Variants in TANC2 observed in about 807,000 individuals in gnomAD.
TANC2 encodes tetratricopeptide repeat, ankyrin repeat and coiled-coil containing 2.
A neutral mutation model predicts 210.5 loss-of-function variants in TANC2; 26 were observed. That is an observed-to-expected ratio of 0.12 (90% CI 0.09 to 0.17). TANC2 has a LOEUF of 0.17. Among genes scored for constraint, TANC2 ranks in the 10% least tolerant of loss-of-function variants. The pLI, the probability that TANC2 is intolerant of heterozygous loss-of-function variation, is 1.00. For missense variants in TANC2, 2,129 were observed against 2,608.9 expected, an observed-to-expected ratio of 0.82 and a Z score of 4.01; for synonymous variants, 931 against 967.1, an observed-to-expected ratio of 0.96 and a Z score of 0.69.
chr17:63,362,038 G>A (rs182091912), intron 14 of TANC2, among the ~76,000 whole-genome samples: 4 of 152,162 alleles, frequency 2.6e-5, no homozygotes, highest in Non-Finnish European at 5.9e-5. Flanking sequence ...CCCATCAAGT[G>A]TGCAGCCCTC....
chr17:63,018,430 G>A (rs2034203299), intron 2 of TANC2, among the ~76,000 whole-genome samples: 1 of 150,602 alleles, frequency 6.6e-6, no homozygotes, highest in Non-Finnish European at 1.5e-5. Flanking sequence ...GCATTGAGCT[G>A]AGATCTTTCC....
chr17:63,004,589 CT>C (rs1300764335), intron 1 of TANC2: 30 of 127,050 alleles, frequency 2.4e-4, no homozygotes, highest in South Asian at 6.0e-4. Flanking sequence ...AACAGCATAG[CT>C]TTAAAAAAAA....
chr17:63,241,622 C>T (rs1256880994), intron 8 of TANC2, among the ~76,000 whole-genome samples: 1 of 152,158 alleles, frequency 6.6e-6, no homozygotes, highest in East Asian at 1.9e-4. Flanking sequence ...CCTACAAAGC[C>T]TGTATAAAAA....
rs535937015 is a variant in TANC2 at position 63,409,541 on chromosome 17, T to C, written c.3590-1970T>C. 3.9e-5 allele frequency among the ~76,000 whole-genome samples: 6 copies of C among 152,344 alleles called. No homozygotes were observed. The South Asian group carries it at 1.2e-3, about 32-fold the overall frequency. On this transcript the variant is annotated intron_variant, in intron 21 of 27. Transcript: ENST00000689528. ...AATGGTATATGCAGTTATGTATCACTTAACAAAGGGGAGATGTTCAGAGAA... is the reference window on the plus strand; with the variant it reads ...AATGGTATATGCAGTTATGTATCACCTAACAAAGGGGAGATGTTCAGAGAA...
intron 2 of TANC2, among the ~76,000 whole-genome samples, chr17:63,049,136 AAATT>A (rs1259806099): frequency 5.9e-5 from 9 of 152,144 alleles, no homozygotes; most frequent in African/African-American, 1.9e-4. Context: ...TTACTTATGC[AAATT>A]AATTAATTCA....
At chr17:63,019,914 TTTTGTTTGTTTG>T (rs372966886) in intron 2 of TANC2, among the ~76,000 whole-genome samples, 2 of 151,996 alleles carry the variant, frequency 1.3e-5, no homozygotes, top group African/African-American at 4.8e-5. Context: ...AGTCTATAGT[TTTTGTTTGTTTG>T]TTTGTTTGTT....
intron 1 of TANC2, among the ~76,000 whole-genome samples, chr17:62,976,969 C>T (rs778361096): frequency 2.0e-5 from 3 of 152,116 alleles, no homozygotes; most frequent in Non-Finnish European, 2.9e-5. Flanking sequence ...CCGTTCCAGC[C>T]GATGGAAACC....
intron 17 of TANC2, chr17:63,390,308 G>A (rs1357192294): frequency 6.6e-6 from 1 of 152,210 alleles, no homozygotes; most frequent in African/African-American, 2.4e-5. Flanking sequence ...TCATTCTGCG[G>A]TATTCAGTGC....
At chr17:63,039,063 A>G (rs2035082741) in intron 2 of TANC2, among the ~76,000 whole-genome samples, 1 of 152,164 alleles carries the variant, frequency 6.6e-6, no homozygotes, top group African/African-American at 2.4e-5. Context: ...CTCCTAATAA[A>G]TGAATTATTT....
Position 63,169,263 on chromosome 17 carries a change from T to G in TANC2, c.433+17883T>G, listed in dbSNP as rs539844332. Among the ~76,000 whole-genome samples, 79 of 152,372 alleles carry G rather than the reference T, an allele frequency of 5.2e-4. 1 individual carries two copies. Among genetic ancestry groups the G allele is most frequent in the Admixed American group, 1.3e-3 (20 of 15,302 alleles). On this transcript the variant is annotated intron_variant, in intron 5 of 27. Coordinates refer to ENST00000689528, the Ensembl canonical transcript of TANC2. The stretch of plus-strand genomic sequence containing the variant: ...CACCTTTACTATTTCCATTGCCTAT[T>G]ACTTATGTTAGTTCTTTTGTATTTT...
At chr17:63,097,005 T>C (rs2144868986) in intron 3 of TANC2, among the ~76,000 whole-genome samples, 1 of 152,250 alleles carries the variant, frequency 6.6e-6, no homozygotes, top group Admixed American at 6.5e-5. Flanking sequence ...TTGTGTATCT[T>C]CTTTGGAGAA....
intron 11 of TANC2, among the ~76,000 whole-genome samples, chr17:63,323,034 A>G (rs1398595804): frequency 6.6e-6 from 1 of 152,242 alleles, no homozygotes; most frequent in African/African-American, 2.4e-5. Context: ...ATGTTATCCC[A>G]GTTATTGTGC....
In TANC2 at chr17:63,043,242, A is replaced by G. The variant is rs1170219237; in HGVS notation, c.68-30701A>G. ...GTACTTTAAGAGGGCAAAAGTGTAA[A>G]TATGTTATTGCCACTTCTCTAGCAC... On this transcript the variant is annotated intron_variant, in intron 2 of 27. Coordinates refer to ENST00000689528, the Ensembl canonical transcript of TANC2. Among the ~76,000 whole-genome samples, 6 of 152,218 alleles carry G rather than the reference A, an allele frequency of 3.9e-5. No individual in the cohort carries two copies. The East Asian group carries it at 1.2e-3, about 29-fold the overall frequency.
At chr17:63,078,407 G>A (rs1333094480) in intron 3 of TANC2, among the ~76,000 whole-genome samples, 1 of 151,980 alleles carries the variant, frequency 6.6e-6, no homozygotes, top group East Asian at 1.9e-4. Flanking sequence ...TGTCTTCTAT[G>A]TCATTGATTT....
At chr17:62,977,612 C>G (rs1462923931) in intron 1 of TANC2, among the ~76,000 whole-genome samples, 1 of 135,324 alleles carries the variant, frequency 7.4e-6, no homozygotes, top group Non-Finnish European at 1.6e-5. Flanking sequence ...GGGTATTTCT[C>G]CCCTATCCCC....
chr17:63,063,239 A>G (rs1387505507), intron 2 of TANC2, among the ~76,000 whole-genome samples: 1 of 152,200 alleles, frequency 6.6e-6, no homozygotes, highest in Non-Finnish European at 1.5e-5. Context: ...ACCACTGTGC[A>G]CATATTCAGC....
At chr17:63,233,668 C>G (rs1280737887) in intron 7 of TANC2, among the ~76,000 whole-genome samples, 1 of 152,250 alleles carries the variant, frequency 6.6e-6, no homozygotes, top group African/African-American at 2.4e-5. Flanking sequence ...CGTCAGCCAT[C>G]TTGGCCCCTC....
At chr17:63,135,748 CAGTT>C (rs1306156616) in intron 4 of TANC2, among the ~76,000 whole-genome samples, 12 of 152,180 alleles carry the variant, frequency 7.9e-5, no homozygotes, top group South Asian at 2.1e-4. Context: ...GTCTGACAAA[CAGTT>C]AGAATTGCTC....
intron 11 of TANC2, among the ~76,000 whole-genome samples, chr17:63,322,580 A>G (rs2045530340): frequency 6.6e-6 from 1 of 152,264 alleles, no homozygotes; most frequent in African/African-American, 2.4e-5. Context: ...TCAGTCATTC[A>G]GTTATTCAGT....
Sources: gnomAD v4.1 joint callset for allele counts (sites outside exome capture counted in the v4.1 genomes callset) on GRCh38, gnomAD v4.1.1 for gene constraint, MANE v1.5 for transcripts, NCBI Gene and HGNC (gene_info 2026-07-23, HGNC 2026-07-21) for gene names.